The following GPC5 variants were observed in gnomAD, a reference collection of about 807,000 sequenced individuals.
GPC5 encodes glypican-5.
Under a neutral mutation model 53.9 loss-of-function variants are expected in GPC5, and 47 were observed. The observed-to-expected ratio is 0.87, with a 90% confidence interval of 0.69 to 1.11. GPC5 has a LOEUF of 1.11. Among genes scored for constraint, GPC5 ranks in the 50% most tolerant of loss-of-function variants. The pLI, the probability that GPC5 is intolerant of heterozygous loss-of-function variation, is 0.00. For missense variants in GPC5, 748 were observed against 713.1 expected, an observed-to-expected ratio of 1.05 and a Z score of -0.56; for synonymous variants, 286 against 263.3, an observed-to-expected ratio of 1.09 and a Z score of -0.84.
chr13:92,123,280 C>T (rs1337380469), intron 6 of GPC5, among the ~76,000 whole-genome samples: 4 of 151,714 alleles, frequency 2.6e-5, no homozygotes, highest in East Asian at 1.9e-4. Flanking sequence ...GTGGCGGGCA[C>T]GTGTAATTCC....
chr13:92,638,998 T>C (rs1261593340), intron 7 of GPC5, among the ~76,000 whole-genome samples: 1 of 152,146 alleles, frequency 6.6e-6, no homozygotes, highest in Non-Finnish European at 1.5e-5. Flanking sequence ...ATTCTACATA[T>C]AAATAGGTGG....
At chr13:91,695,486 G>A (rs567241574) in intron 3 of GPC5, among the ~76,000 whole-genome samples, 15 of 152,080 alleles carry the variant, frequency 9.9e-5, no homozygotes, top group Non-Finnish European at 2.1e-4. Context: ...CCATTCTCCC[G>A]CCTCAGCCTC....
chr13:92,110,927 A>C (rs966660955), intron 6 of GPC5, among the ~76,000 whole-genome samples: 1 of 152,164 alleles, frequency 6.6e-6, no homozygotes, highest in African/African-American at 2.4e-5. Context: ...ATATATGTCC[A>C]TTTACACAAT....
At chr13:92,308,398 A>G (rs575789029) in intron 7 of GPC5, among the ~76,000 whole-genome samples, 9 of 152,298 alleles carry the variant, frequency 5.9e-5, no homozygotes, top group East Asian at 1.9e-4. Flanking sequence ...ATATATATGA[A>G]CGATACATCT....
At chr13:92,150,546 A>C (rs1301377880) in intron 7 of GPC5, among the ~76,000 whole-genome samples, 2 of 152,034 alleles carry the variant, frequency 1.3e-5, no homozygotes, top group East Asian at 3.8e-4. Flanking sequence ...TGTATAATGG[A>C]ATGTAGATAC....
At chr13:91,556,637 G>T (rs1214025840) in intron 2 of GPC5, among the ~76,000 whole-genome samples, 1 of 151,322 alleles carries the variant, frequency 6.6e-6, no homozygotes, top group Non-Finnish European at 1.5e-5. Context: ...ATACTATTCA[G>T]CCATAAAAAG....
intron 7 of GPC5, among the ~76,000 whole-genome samples, chr13:92,498,618 T>A (rs1333909874): frequency 3.9e-5 from 6 of 152,250 alleles, no homozygotes; most frequent in African/African-American, 1.4e-4. Context: ...TCACCTGACA[T>A]TCCTGGTTTG....
At chr13:92,345,918 A>G (rs550389855) in intron 7 of GPC5, among the ~76,000 whole-genome samples, 1 of 152,336 alleles carries the variant, frequency 6.6e-6, no homozygotes, top group Non-Finnish European at 1.5e-5. Flanking sequence ...TGACAGCTCA[A>G]TCAGTGATAC....
chr13:91,763,878 C>T (rs2037467967), intron 5 of GPC5, among the ~76,000 whole-genome samples: 1 of 152,140 alleles, frequency 6.6e-6, no homozygotes. Flanking sequence ...GCTCAAGTCC[C>T]AGCTATAAAA....
chr13:92,075,526 GTA>G (rs2041245382), intron 6 of GPC5, among the ~76,000 whole-genome samples: 1 of 152,080 alleles, frequency 6.6e-6, no homozygotes, highest in African/African-American at 2.4e-5. Context: ...TACGTTAATT[GTA>G]TTAATACATG....
intron 6 of GPC5, among the ~76,000 whole-genome samples, chr13:92,104,455 G>A (rs1032060713): frequency 1.5e-4 from 23 of 152,072 alleles, no homozygotes; most frequent in African/African-American, 5.1e-4. Flanking sequence ...TTATCTTTCC[G>A]GAAATCCTAA....
At chr13:91,735,859 G>A (rs1227189271) in intron 4 of GPC5, among the ~76,000 whole-genome samples, 1 of 151,188 alleles carries the variant, frequency 6.6e-6, no homozygotes, top group Non-Finnish European at 1.5e-5. Flanking sequence ...TTGATTATTT[G>A]TGATAGCTGA....
chr13:92,782,047 G>T (rs1286409699), intron 7 of GPC5, among the ~76,000 whole-genome samples: 1 of 150,878 alleles, frequency 6.6e-6, no homozygotes, highest in Non-Finnish European at 1.5e-5. Context: ...AGGAAAGGAA[G>T]GGAAGGGAAG....
Position 92,468,578 on chromosome 13 carries a change from A to G in GPC5, c.1561+323589A>G, listed in dbSNP as rs371692390. Reference sequence around the variant, plus strand: ...TGTTGCACATGATTATTTGGAAACTATTTGTATTTACATAAGCAAAATATT... The same window carrying G: ...TGTTGCACATGATTATTTGGAAACTGTTTGTATTTACATAAGCAAAATATT... On this transcript the variant is annotated intron_variant, in intron 7 of 7. Coordinates refer to ENST00000377067, the MANE Select transcript of GPC5 (RefSeq NM_004466.6). Among the ~76,000 whole-genome samples the G allele has an allele frequency of 6.8e-4, 104 of 152,242 alleles. 1 individual carries two copies. In the South Asian group the frequency reaches 8.9e-3, roughly 13 times the overall value.
chr13:91,759,439 T>A (rs2037363879), intron 5 of GPC5, among the ~76,000 whole-genome samples: 1 of 152,130 alleles, frequency 6.6e-6, no homozygotes, highest in African/African-American at 2.4e-5. Flanking sequence ...ACTGTAGTCA[T>A]CCTGTTGTGC....
chr13:91,434,359 AT>A (rs1436026014), intron 1 of GPC5, among the ~76,000 whole-genome samples: 2 of 152,068 alleles, frequency 1.3e-5, no homozygotes, highest in Non-Finnish European at 2.9e-5. Context: ...TCTTTAATCC[AT>A]CTTGAATTAA....
intron 7 of GPC5, among the ~76,000 whole-genome samples, chr13:92,707,236 TCTA>T (rs1337422693): frequency 1.3e-5 from 2 of 152,204 alleles, no homozygotes; most frequent in African/African-American, 4.8e-5. Context: ...GTCTCCTTAT[TCTA>T]CTACCATGCT....
At chr13:92,602,667 G>A (rs1209813415) in intron 7 of GPC5, among the ~76,000 whole-genome samples, 2 of 152,084 alleles carry the variant, frequency 1.3e-5, no homozygotes, top group East Asian at 3.9e-4. Context: ...ATTCTTGAAG[G>A]CAGACTATCC....
intron 7 of GPC5, among the ~76,000 whole-genome samples, chr13:92,811,142 A>G (rs1334402381): frequency 6.6e-6 from 1 of 152,022 alleles, no homozygotes; most frequent in Non-Finnish European, 1.5e-5. Flanking sequence ...TGGACACTGG[A>G]TTGTTTCCAT....
Sources: allele counts gnomAD v4.1 joint callset (sites outside exome capture counted in the v4.1 genomes callset), GRCh38; gene constraint gnomAD v4.1.1; transcripts MANE v1.5; gene names NCBI Gene and HGNC (gene_info 2026-07-23, HGNC 2026-07-21).